RBM41: variants seen among roughly 807,000 people sequenced by gnomAD.
RBM41 encodes RNA-binding protein 41.
Under a neutral mutation model 30.8 loss-of-function variants are expected in RBM41, and 14 were observed. The ratio of observed to expected loss-of-function variants is 0.45; its 90% CI spans 0.30 to 0.71. The LOEUF is 0.71. RBM41 is among the 30% of genes least tolerant of loss of function. RBM41 has a pLI of 0.08. For synonymous variants in RBM41, 120 were observed against 110.1 expected (o/e 1.09, Z -0.56); for missense variants, 276 against 326.3 (o/e 0.85, Z 1.19).
In RBM41 at chrX:107,067,644, T is replaced by C. The variant is rs1935895284; in HGVS notation, c.1197A>G (p.Leu399=). The change falls in exon 8 of 8, where the codon CTA becomes CTG. Residue 399 remains leucine (L), a synonymous_variant. Transcript: ENST00000685964. ...QALHLVNGYK[L]HGKILVIEFG... is the part of the protein sequence containing the mutation. ...ACTCTATCACCAATATTTTCCCATG[T>C]AGTTTGTATCCATTTACTAGATGCA... is the stretch of plus-strand genomic sequence containing the variant. The C allele has an allele frequency of 8.3e-7, 1 of 1,210,285 alleles. No individual in the cohort carries two copies. Among genetic ancestry groups the C allele is most frequent in the Non-Finnish European group, 1.1e-6 (1 of 894,624 alleles).
chrX:107,077,105 GGAA>G (rs1046935689), intron 6 of RBM41, among the ~76,000 whole-genome samples: 1 of 111,188 alleles, frequency 9.0e-6, no homozygotes, highest in Non-Finnish European at 1.9e-5. Flanking sequence ...CATCCATTAG[GGAA>G]GACCCATACT....
At chrX:107,099,666 C>T (rs971556116) in intron 5 of RBM41, among the ~76,000 whole-genome samples, 2 of 105,507 alleles carry the variant, frequency 1.9e-5, no homozygotes, top group African/African-American at 7.0e-5. Context: ...TAGGCTCAGA[C>T]TCTTAAAATG....
intron 5 of RBM41, among the ~76,000 whole-genome samples, chrX:107,106,569 T>C (rs759828728): frequency 3.3e-4 from 37 of 111,362 alleles, no homozygotes; most frequent in African/African-American, 9.8e-4. Flanking sequence ...CACATGCACA[T>C]GTATGTTTAT....
intron 5 of RBM41, among the ~76,000 whole-genome samples, chrX:107,103,941 G>A (rs1475765571): frequency 1.8e-5 from 2 of 110,924 alleles, no homozygotes; most frequent in Non-Finnish European, 3.8e-5. Flanking sequence ...GTGTCCTGGA[G>A]ATGGTCCGAT....
In RBM41 at chrX:107,066,360, T is replaced by A. The variant is rs182711767; in HGVS notation, c.*1167A>T. ...TCAAATCGGGGGTATTTATAGCCAT[T>A]ATTTCTTAGAATATTTTTCTGCTCC... On this transcript the variant is annotated 3_prime_UTR_variant, in exon 8 of 8. Transcript: ENST00000685964. The A allele has an allele frequency of 2.7e-5, 3 of 111,996 alleles. No individual in the cohort carries two copies. In the East Asian group the frequency reaches 8.3e-4, roughly 31 times the overall value. 9.2% of individuals were successfully genotyped at this position (111,996 alleles called of 1,213,427 possible).
intron 6 of RBM41, among the ~76,000 whole-genome samples, chrX:107,074,131 C>T (rs1703233210): frequency 9.1e-6 from 1 of 110,347 alleles, no homozygotes; most frequent in African/African-American, 3.3e-5. Context: ...TTGAATTATC[C>T]CAACATGAAG....
intron 6 of RBM41, among the ~76,000 whole-genome samples, chrX:107,084,791 T>C (rs1170697953): frequency 1.8e-5 from 2 of 112,148 alleles, no homozygotes; most frequent in African/African-American, 6.5e-5. Flanking sequence ...AAATTTTCTG[T>C]TGTGTCTAAG....
At chrX:107,060,882 G>A (rs1230037424), downstream of RBM41, among the ~76,000 whole-genome samples, 1 of 111,373 alleles carries the variant, frequency 9.0e-6, no homozygotes, top group Non-Finnish European at 1.9e-5. Flanking sequence ...AAGTGATCAA[G>A]GTTAACATCA....
downstream of RBM41, among the ~76,000 whole-genome samples, chrX:107,060,064 C>T (rs1160333368): frequency 9.0e-6 from 1 of 110,603 alleles, no homozygotes; most frequent in Non-Finnish European, 1.9e-5. Flanking sequence ...AAATTGGGGA[C>T]ATGTCTAAGA....
chrX:107,104,234 A>C (rs1236098924), intron 5 of RBM41, among the ~76,000 whole-genome samples: 1 of 111,851 alleles, frequency 8.9e-6, no homozygotes, highest in Non-Finnish European at 1.9e-5. Flanking sequence ...ATCATTAATA[A>C]ATATTTAACT....
chrX:107,114,839 A>T (rs1924765192), intron 4 of RBM41: 2 of 114,524 alleles, frequency 1.7e-5, no homozygotes, highest in Admixed American at 9.0e-5. Flanking sequence ...TTATCTATAT[A>T]TTTTGTGCTA....
chrX:107,102,003 A>G (rs916708246), intron 5 of RBM41, among the ~76,000 whole-genome samples: 1 of 111,422 alleles, frequency 9.0e-6, no homozygotes, highest in Non-Finnish European at 1.9e-5. Context: ...GACAGTAGAG[A>G]AAGCTGCTAT....
intron 5 of RBM41, among the ~76,000 whole-genome samples, chrX:107,103,392 T>C (rs908150868): frequency 1.9e-5 from 2 of 105,580 alleles, no homozygotes; most frequent in Non-Finnish European, 3.9e-5. Flanking sequence ...GAGGCAGAGA[T>C]AGGAATTATG....
At chrX:107,094,296 C>T (rs773156702) in intron 5 of RBM41, among the ~76,000 whole-genome samples, 2 of 111,889 alleles carry the variant, frequency 1.8e-5, no homozygotes, top group Non-Finnish European at 3.8e-5. Flanking sequence ...AATATAGATG[C>T]AAAAATACCT....
intron 6 of RBM41, among the ~76,000 whole-genome samples, chrX:107,074,825 T>C (rs1347364389): frequency 8.9e-6 from 1 of 111,742 alleles, no homozygotes; most frequent in Non-Finnish European, 1.9e-5. Flanking sequence ...AATATTAATA[T>C]ATCCGAACTA....
At chrX:107,106,570 G>A (rs1456105790) in intron 5 of RBM41, among the ~76,000 whole-genome samples, 7 of 111,453 alleles carry the variant, frequency 6.3e-5, no homozygotes, top group Non-Finnish European at 1.3e-4. Flanking sequence ...ACATGCACAT[G>A]TATGTTTATT....
At chrX:107,084,172 A>G (rs2036786537) in intron 6 of RBM41, among the ~76,000 whole-genome samples, 1 of 109,853 alleles carries the variant, frequency 9.1e-6, no homozygotes, top group Non-Finnish European at 1.9e-5. Flanking sequence ...AAACAGCAAC[A>G]AAAAAACCTC....
At chrX:107,071,962 T>G (rs1936080365) in intron 6 of RBM41, among the ~76,000 whole-genome samples, 1 of 111,553 alleles carries the variant, frequency 9.0e-6, no homozygotes, top group Non-Finnish European at 1.9e-5. Flanking sequence ...ATTATCTCTG[T>G]TCACAGTTGA....
In RBM41 at chrX:107,084,860, G is replaced by A. The variant is rs1921874443; in HGVS notation, c.999+3576C>T. ...TTTCTTATTGTAAGACAGGAGTGAT[G>A]ACTTCTAAGGACTTCACATGTTGAA... On this transcript the variant is annotated intron_variant, in intron 6 of 7. Transcript: ENST00000685964. 2.7e-5 allele frequency among the ~76,000 whole-genome samples: 3 copies of A among 112,209 alleles called. No homozygotes were observed. The South Asian group carries it at 1.1e-3, about 42-fold the overall frequency.
Sources: gnomAD v4.1 joint callset for allele counts (sites outside exome capture counted in the v4.1 genomes callset) on GRCh38, gnomAD v4.1.1 for gene constraint, MANE v1.5 for transcripts, NCBI Gene and HGNC (gene_info 2026-07-23, HGNC 2026-07-21) for gene names.